Variants in CNTNAP4 observed in about 807,000 individuals in gnomAD.
The protein encoded by CNTNAP4 is contactin associated protein family member 4.
A neutral mutation model predicts 148.4 loss-of-function variants in CNTNAP4; 98 were observed. The observed-to-expected ratio is 0.66, with a 90% CI of 0.56 to 0.78. The LOEUF (loss-of-function observed/expected upper bound fraction) is 0.78, where lower values mean the gene tolerates loss of function less well. CNTNAP4 is among the 30% of genes least tolerant of loss of function. CNTNAP4 has a pLI of 0.00. For missense variants in CNTNAP4, 1,935 were observed against 1,565.6 expected, an observed-to-expected ratio of 1.24 and a Z score of -3.98; for synonymous variants, 730 against 565.1, an observed-to-expected ratio of 1.29 and a Z score of -4.14.
At chr16:76,370,680 G>A (rs1021088232) in intron 3 of CNTNAP4, among the ~76,000 whole-genome samples, 1 of 152,080 alleles carries the variant, frequency 6.6e-6, no homozygotes, top group Non-Finnish European at 1.5e-5. Context: ...GCCTGAAGAA[G>A]GTATGTTACT....
intron 1 of CNTNAP4, among the ~76,000 whole-genome samples, chr16:76,305,546 C>A (rs978147636): frequency 6.6e-6 from 1 of 151,844 alleles, no homozygotes; most frequent in Non-Finnish European, 1.5e-5. Context: ...CTCTAAATTC[C>A]CCATCCTTAA....
intron 3 of CNTNAP4, among the ~76,000 whole-genome samples, chr16:76,361,166 A>T (rs1426064090): frequency 6.6e-6 from 1 of 152,066 alleles, no homozygotes; most frequent in Non-Finnish European, 1.5e-5. Context: ...CATGAAATCT[A>T]ACGTCTTGAC....
intron 2 of CNTNAP4, among the ~76,000 whole-genome samples, chr16:76,318,769 AATC>A (rs954013197): frequency 1.5e-5 from 2 of 135,168 alleles, no homozygotes; most frequent in African/African-American, 6.1e-5. Flanking sequence ...TCATAATAAT[AATC>A]ATAATCATAA....
At chr16:76,312,051 A>C (rs1017485655) in intron 1 of CNTNAP4, among the ~76,000 whole-genome samples, 1 of 152,228 alleles carries the variant, frequency 6.6e-6, no homozygotes, top group Non-Finnish European at 1.5e-5. Context: ...GCTAATAATC[A>C]TTGAAAGTTC....
intron 2 of CNTNAP4, among the ~76,000 whole-genome samples, chr16:76,347,590 T>C (rs1042576474): frequency 2.6e-5 from 4 of 152,120 alleles, no homozygotes; most frequent in African/African-American, 9.7e-5. Flanking sequence ...GAAGGAATTT[T>C]AAATGGGAGG....
At chr16:76,550,088 A>T (rs528701479) in intron 21 of CNTNAP4, among the ~76,000 whole-genome samples, 1 of 152,224 alleles carries the variant, frequency 6.6e-6, no homozygotes, top group Admixed American at 6.5e-5. Flanking sequence ...TGCTGGAATA[A>T]TATCCATAGT....
In CNTNAP4 at chr16:76,374,292, G is replaced by GA. The variant is rs200027627; in HGVS notation, c.390+18785dup. Among the ~76,000 whole-genome samples the GA allele has an allele frequency of 8.4e-4, 128 of 152,176 alleles. No homozygotes were observed. In the East Asian group the frequency reaches 0.019, roughly 22 times the overall value. On this transcript the variant is annotated intron_variant, in intron 3 of 23. Transcript: ENST00000611870. ...CGGGCTAGAGAATATCAGTTTCAGA[G>GA]AAAAGAATCTTCTATTTATTTTAGC...
intron 2 of CNTNAP4, among the ~76,000 whole-genome samples, chr16:76,346,857 C>T (rs1228915270): frequency 6.6e-6 from 1 of 152,204 alleles, no homozygotes; most frequent in East Asian, 1.9e-4. Context: ...CTTTTCAAAG[C>T]ACTGCATTAT....
At chr16:76,495,271 T>C (rs965594725) in intron 14 of CNTNAP4, 7 of 397,784 alleles carry the variant, frequency 1.8e-5, no homozygotes, top group Non-Finnish European at 2.2e-5. Flanking sequence ...TAATGGACCA[T>C]AAGTCATGTA....
intron 1 of CNTNAP4, among the ~76,000 whole-genome samples, chr16:76,295,509 C>G (rs1329121251): frequency 1.3e-5 from 2 of 152,060 alleles, no homozygotes; most frequent in Admixed American, 6.6e-5. Context: ...GAAATGGAGT[C>G]TAACTTGAGT....
intron 3 of CNTNAP4, among the ~76,000 whole-genome samples, chr16:76,365,942 T>G (rs2144587458): frequency 6.6e-6 from 1 of 152,226 alleles, no homozygotes; most frequent in Admixed American, 6.5e-5. Flanking sequence ...TAGATTAGAT[T>G]GGAAGTTGGG....
intron 1 of CNTNAP4, among the ~76,000 whole-genome samples, chr16:76,292,422 T>C (rs1959151486): frequency 1.3e-5 from 2 of 151,578 alleles, no homozygotes; most frequent in Admixed American, 1.3e-4. Context: ...ACCCTTTCAC[T>C]CATCAATTGG....
chr16:76,318,139 T>C (rs1179393614), intron 2 of CNTNAP4, among the ~76,000 whole-genome samples: 7 of 152,298 alleles, frequency 4.6e-5, no homozygotes, highest in African/African-American at 9.6e-5. Flanking sequence ...AATGCTGTTA[T>C]TGCAATGCTA....
intron 16 of CNTNAP4, 33 bp downstream of exon 16, chr16:76,521,343 T>G (rs772499134): frequency 6.5e-7 from 1 of 1,541,928 alleles, no homozygotes; most frequent in Non-Finnish European, 8.8e-7. Context: ...GTGTATGAGA[T>G]TCTATCATTT....
chr16:76,453,518 A>G (rs551863046), intron 8 of CNTNAP4, among the ~76,000 whole-genome samples: 2 of 152,332 alleles, frequency 1.3e-5, no homozygotes, highest in South Asian at 4.1e-4. Flanking sequence ...TTACGTATGT[A>G]CAATGGCATC....
In CNTNAP4 at chr16:76,538,156, C is replaced by A. The variant is rs768380110; in HGVS notation, c.3036C>A (p.Tyr1012Ter). ...TTGGATCTGGCTCATCCGTGATATACAATTTTCAAGAAAATTATCTTTTAA... is the reference window on the plus strand; with the variant it reads ...TTGGATCTGGCTCATCCGTGATATAAAATTTTCAAGAAAATTATCTTTTAA... ...AYFGSGSSVI[Y>*]NFQENYLLSK... Residue 1012 changes from tyrosine (Y) to a stop codon, truncating the protein, a stop_gained, in exon 19 of 24, where the codon TAC becomes TAA. Transcript: ENST00000611870. LOFTEE classifies it high-confidence loss of function. The A allele has an allele frequency of 6.3e-7, 1 of 1,589,972 alleles. No homozygotes were observed. The highest frequency in any genetic ancestry group is 1.8e-5 in the Admixed American group (1 of 55,032).
At chr16:76,377,067 G>A (rs1392665342) in intron 3 of CNTNAP4, among the ~76,000 whole-genome samples, 1 of 152,072 alleles carries the variant, frequency 6.6e-6, no homozygotes. Flanking sequence ...TAGGCTGGCA[G>A]GCTTAGGACT....
intron 17 of CNTNAP4, among the ~76,000 whole-genome samples, chr16:76,522,483 T>A (rs2083494116): frequency 6.6e-6 from 1 of 152,126 alleles, no homozygotes; most frequent in South Asian, 2.1e-4. Context: ...GCTTCCAGGG[T>A]TGACTTGCCT....
rs868510312 is a variant in CNTNAP4 at position 76,461,950 on chromosome 16, C to G, written c.1334-6C>G. The G allele has an allele frequency of 6.2e-7, 1 of 1,612,784 alleles. No homozygotes were observed. Among genetic ancestry groups the G allele is most frequent in the Non-Finnish European group, 8.5e-7 (1 of 1,179,094 alleles). The stretch of plus-strand genomic sequence containing the variant: ...GAGCGATCTCTAACTGATTTCATCT[C>G]CCTAGGTGTCGAATTAAATGATGGG... On this transcript the variant is annotated splice_polypyrimidine_tract_variant and splice_region_variant and intron_variant, in intron 8 of 23. Coordinates refer to ENST00000611870, the MANE Select transcript of CNTNAP4 (RefSeq NM_033401.5).
Sources: gnomAD v4.1 joint callset for allele counts (sites outside exome capture counted in the v4.1 genomes callset) on GRCh38, gnomAD v4.1.1 for gene constraint, MANE v1.5 for transcripts, NCBI Gene and HGNC (gene_info 2026-07-23, HGNC 2026-07-21) for gene names.